The following TOM1L2 variants were observed in gnomAD, a reference collection of about 807,000 sequenced individuals.
TOM1L2 encodes TOM1-like protein 2.
Under a neutral mutation model 67.9 loss-of-function variants are expected in TOM1L2, and 31 were observed. The observed-to-expected ratio is 0.46, with a 90% CI of 0.34 to 0.62. The LOEUF is 0.62. Ranked by LOEUF, TOM1L2 falls within the 20% of genes least tolerant of loss-of-function variation. TOM1L2 has a pLI of 0.01. For missense variants in TOM1L2, 606 were observed against 663.5 expected (o/e 0.91, Z 0.95); for synonymous variants, 256 against 254.0 (o/e 1.01, Z -0.07).
At chr17:17,943,599 G>A (rs2040821936) in intron 1 of TOM1L2, among the ~76,000 whole-genome samples, 2 of 152,256 alleles carry the variant, frequency 1.3e-5, no homozygotes, top group South Asian at 4.1e-4. Context: ...TCTCTCTTGG[G>A]GATTGCTGCT....
Position 17,862,725 on chromosome 17 carries a change from A to G in TOM1L2, c.1202+6T>C. ...TTAGAGAGCCACTAAAAGGGGCCCC[A>G]CATACGTCTTGCGCTGCTCAGCCAA... On this transcript the variant is annotated splice_donor_region_variant and intron_variant, in intron 11 of 14. Transcript: ENST00000379504. 1 of 1,612,124 alleles carries G rather than the reference A, an allele frequency of 6.2e-7. No homozygotes were observed. Among genetic ancestry groups the G allele is most frequent in the Non-Finnish European group, 8.5e-7 (1 of 1,179,456 alleles).
At chr17:17,966,934 A>C (rs1397841127) in intron 1 of TOM1L2, among the ~76,000 whole-genome samples, 1 of 152,226 alleles carries the variant, frequency 6.6e-6, no homozygotes, top group Non-Finnish European at 1.5e-5. Flanking sequence ...CTTGAACATC[A>C]GACTCCAAGT....
rs930198650 is a variant in TOM1L2, at chr17:17,846,435, C to T, written c.*1200G>A. On this transcript the variant is annotated 3_prime_UTR_variant, in exon 15 of 15. Transcript: ENST00000379504. ...CCTTGCCCATGGCCAGGAGACACAC[C>T]AGTGAGGACACGGGATGGGAATACA... is the stretch of plus-strand genomic sequence containing the variant. 9 of 152,304 alleles carry T rather than the reference C, an allele frequency of 5.9e-5. No individual in the cohort carries two copies. Among genetic ancestry groups the T allele is most frequent in the African/African-American group, 2.2e-4 (9 of 41,476 alleles). 9.4% of individuals were successfully genotyped at this position (152,304 alleles called of 1,614,324 possible).
At chr17:17,876,984 T>C (rs779444255) in intron 7 of TOM1L2, among the ~76,000 whole-genome samples, 3 of 152,238 alleles carry the variant, frequency 2.0e-5, no homozygotes, top group African/African-American at 7.2e-5. Flanking sequence ...ATTTGACGCA[T>C]AGCTCAAGAG....
intron 1 of TOM1L2, among the ~76,000 whole-genome samples, chr17:17,966,558 C>T (rs1481076118): frequency 6.6e-6 from 1 of 152,192 alleles, no homozygotes; most frequent in African/African-American, 2.4e-5. Context: ...AGGGTAGGAT[C>T]CACTTTTAAC....
chr17:17,926,717 G>A (rs2040100526), intron 1 of TOM1L2, among the ~76,000 whole-genome samples: 1 of 151,974 alleles, frequency 6.6e-6, no homozygotes, highest in South Asian at 2.1e-4. Flanking sequence ...AATTAGCTGG[G>A]CCTGGTAGCA....
rs1026465692 is a variant in TOM1L2, at chr17:17,847,268, A to G, written c.*367T>C. 6.8e-5 allele frequency: 18 copies of G among 265,988 alleles called. No homozygotes were observed. The highest frequency in any genetic ancestry group is 2.0e-4 in the Admixed American group (4 of 19,910). 16.5% of individuals were successfully genotyped at this position (265,988 alleles called of 1,614,324 possible). A position where few individuals can be genotyped will look rare whatever the true frequency, so the allele number is the denominator to read the frequency against. Reference sequence around the variant, plus strand: ...CGCTGAGCCAGGCAGAGGTGAGCACAGGGCGGGGCCGGGCGTGCTCTTTCT... The same window carrying G: ...CGCTGAGCCAGGCAGAGGTGAGCACGGGGCGGGGCCGGGCGTGCTCTTTCT... On this transcript the variant is annotated 3_prime_UTR_variant, in exon 15 of 15. Transcript: ENST00000379504.
At position 17,882,879 on chromosome 17, in the gene TOM1L2, C is replaced by A; in HGVS notation, c.502-16G>T. ...CAGGGACACTCTGGCATGGCAACAA[C>A]AAAGTCCTCTGTTTACCTGGGCTGC... On this transcript the variant is annotated splice_polypyrimidine_tract_variant and intron_variant, in intron 5 of 14. Transcript: ENST00000379504. 6.2e-7 allele frequency: 1 copy of A among 1,613,584 alleles called. No individual in the cohort carries two copies. The highest frequency in any genetic ancestry group is 8.5e-7 in the Non-Finnish European group (1 of 1,179,622).
intron 12 of TOM1L2, among the ~76,000 whole-genome samples, chr17:17,853,983 G>A (rs2036130608): frequency 6.6e-6 from 1 of 152,242 alleles, no homozygotes; most frequent in African/African-American, 2.4e-5. Flanking sequence ...ACCCAGGGAT[G>A]TCAGAAATTA....
At chr17:17,871,600 G>A (rs1047325038) in intron 7 of TOM1L2, among the ~76,000 whole-genome samples, 3 of 152,186 alleles carry the variant, frequency 2.0e-5, no homozygotes, top group Non-Finnish European at 2.9e-5. Flanking sequence ...GAATCCGGGA[G>A]GCAGAGGCTA....
chr17:17,944,098 G>C (rs1362708198), intron 1 of TOM1L2, among the ~76,000 whole-genome samples: 1 of 152,248 alleles, frequency 6.6e-6, no homozygotes. Context: ...AGGGCAGGGA[G>C]AGGCAGCAGA....
At chr17:17,910,783 G>A (rs1476249069) in intron 1 of TOM1L2, among the ~76,000 whole-genome samples, 1 of 152,080 alleles carries the variant, frequency 6.6e-6, no homozygotes, top group African/African-American at 2.4e-5. Context: ...TGGCCAGACT[G>A]GTCTCGAACT....
chr17:17,964,697 T>G (rs1597480900), intron 1 of TOM1L2, among the ~76,000 whole-genome samples: 1 of 152,100 alleles, frequency 6.6e-6, no homozygotes, highest in Non-Finnish European at 1.5e-5. Flanking sequence ...GGTTGAGGCT[T>G]TAACTACGAT....
chr17:17,869,349 C>T lies in TOM1L2; in HGVS notation c.902G>A (p.Arg301Gln), dbSNP rs745605701. The T allele has an allele frequency of 6.2e-6, 10 of 1,610,934 alleles. No homozygotes were observed. Among genetic ancestry groups the T allele is most frequent in the South Asian group, 2.2e-5 (2 of 90,962 alleles). The part of the protein sequence containing the change: ...VNDDLNNVFL[R>Q]YERFERYRSG... The stretch of plus-strand genomic sequence containing the variant: ...GAAATCCGGCTCCCACCTCTCGTAT[C>T]GAAGGAAGACGTTGTTGAGGTCATC... Residue 301 changes from arginine (R) to glutamine (Q), a missense_variant, in exon 8 of 15, where the codon CGA (arginine) becomes CAA (glutamine). This residue lies in a region of TOM1L2 where 543 missense variants were observed against 554.0 expected (regional missense o/e 0.98). Transcript: ENST00000379504.
intron 7 of TOM1L2, chr17:17,872,071 A>G (rs942802952): frequency 1.1e-5 from 11 of 985,232 alleles, no homozygotes; most frequent in Admixed American, 6.1e-5. Context: ...ATTGCCAGGC[A>G]ATAATGGCCA....
intron 8 of TOM1L2, 97 bp downstream of exon 8, chr17:17,869,237 TCTCTCC>T: frequency 1.3e-6 from 2 of 1,556,304 alleles, no homozygotes; most frequent in Non-Finnish European, 1.7e-6. Context: ...AACTCTAATC[TCTCTCC>T]CTCTCCCTCT....
intron 1 of TOM1L2, among the ~76,000 whole-genome samples, chr17:17,949,416 GA>G (rs772118140): frequency 1.7e-3 from 254 of 152,336 alleles, no homozygotes; most frequent in Non-Finnish European, 3.7e-4. Flanking sequence ...TGGGTCAGGA[GA>G]ATAAATGTTA....
Position 17,945,254 on chromosome 17 carries a change from C to CCA in TOM1L2, c.52+27006_52+27007dup, listed in dbSNP as rs1185829639. Reference sequence around the variant, plus strand: ...TAGGTGGAAAGAGCCAAATGTTTCACCACACACACACATACACACACACAC... The same window carrying CCA: ...TAGGTGGAAAGAGCCAAATGTTTCACCACACACACACACATACACACACACAC... On this transcript the variant is annotated intron_variant, in intron 1 of 14. Transcript: ENST00000379504. 2.7e-5 allele frequency among the ~76,000 whole-genome samples: 4 copies of CCA among 150,456 alleles called. No homozygotes were observed. In the East Asian group the frequency reaches 5.9e-4, roughly 22 times the overall value.
intron 3 of TOM1L2, among the ~76,000 whole-genome samples, chr17:17,896,282 G>A (rs1262713781): frequency 1.3e-5 from 2 of 152,114 alleles, no homozygotes; most frequent in Admixed American, 6.5e-5. Context: ...ATGGCAAGAA[G>A]TATGCTTTAT....
Sources: allele counts gnomAD v4.1 joint callset (sites outside exome capture counted in the v4.1 genomes callset), GRCh38; gene constraint gnomAD v4.1.1; regional missense constraint gnomAD v4.1.1; transcripts MANE v1.5; gene names NCBI Gene and HGNC (gene_info 2026-07-23, HGNC 2026-07-21).